Variants in MYCBP2 observed in about 807,000 individuals in gnomAD.
The protein encoded by MYCBP2 is E3 ubiquitin-protein ligase MYCBP2.
A neutral mutation model predicts 525.3 loss-of-function variants in MYCBP2; 120 were observed. The ratio of observed to expected loss-of-function variants is 0.23; its 90% CI spans 0.20 to 0.27. The LOEUF is 0.27. Ranked by LOEUF, MYCBP2 falls within the 10% of genes least tolerant of loss-of-function variation. The probability of loss-of-function intolerance (pLI) is 1.00; values close to 1 mark genes in which losing one functional copy is unlikely to be tolerated. For missense variants in MYCBP2, 4,149 were observed against 5,657.1 expected (o/e 0.73, Z 8.55); for synonymous variants, 1,894 against 1,955.8 (o/e 0.97, Z 0.83).
chr13:77,259,406 A>G (rs2072842698), intron 13 of MYCBP2, among the ~76,000 whole-genome samples: 1 of 152,216 alleles, frequency 6.6e-6, no homozygotes, highest in African/African-American at 2.4e-5. Flanking sequence ...AGGTCCATCA[A>G]TCACTAATGT....
intron 15 of MYCBP2, 82 bp downstream of exon 15, chr13:77,251,069 T>G (rs1594344867): frequency 1.6e-6 from 2 of 1,273,314 alleles, no homozygotes; most frequent in Admixed American, 4.7e-5. Context: ...AAAAAAATAT[T>G]AATAGTAGAG....
At chr13:77,159,359 A>G (rs1382681144) in intron 44 of MYCBP2, among the ~76,000 whole-genome samples, 1 of 152,224 alleles carries the variant, frequency 6.6e-6, no homozygotes, top group Admixed American at 6.5e-5. Flanking sequence ...CTTACATGCC[A>G]AAAAGAGGCA....
chr13:77,079,133 C>T (rs2042853746), intron 65 of MYCBP2, among the ~76,000 whole-genome samples: 1 of 152,126 alleles, frequency 6.6e-6, no homozygotes, highest in Admixed American at 6.6e-5. Context: ...GCTTGACATT[C>T]CCTCTCCTTA....
At position 77,186,002 on chromosome 13, in the gene MYCBP2, A is replaced by G. The variant is rs2060678774; in HGVS notation, c.4313T>C (p.Val1438Ala). 1.9e-6 allele frequency: 3 copies of G among 1,613,384 alleles called. No individual in the cohort carries two copies. Among genetic ancestry groups the G allele is most frequent in the African/African-American group, 1.3e-5 (1 of 74,884 alleles). Residue 1438 changes from valine to alanine, a missense_variant, in exon 31 of 83, where the codon GTT becomes GCT. This residue lies in a region of MYCBP2 where 292 missense variants were observed against 330.5 expected (regional missense o/e 0.88). Coordinates refer to ENST00000544440, the MANE Select transcript of MYCBP2 (RefSeq NM_015057.5). ...TCCTTTTAATCCTCTAAGTTCTTCA[A>G]CTCCTAAGACTAAGGTGGTCCAGCT... ...HWSWTTLVLG[V>A]EELRGLKGFQ...
Position 77,096,335 on chromosome 13 carries a change from T to C in MYCBP2, c.9931A>G (p.Lys3311Glu). ...DRCREKYLRE[K>E]QAAAREKVKQ... Reference sequence around the variant, plus strand: ...ACCTTCTCCCTTGCAGCAGCCTGTTTTTCGCGGAGGTATTTTTCTCTACAG... The same window carrying C: ...ACCTTCTCCCTTGCAGCAGCCTGTTCTTCGCGGAGGTATTTTTCTCTACAG... The change falls in exon 57 of 83, where the codon AAA (lysine) becomes GAA (glutamate). Residue 3311 changes from lysine (K) to glutamate (E), a missense_variant. This residue lies in a region of MYCBP2 where 509 missense variants were observed against 789.4 expected (regional missense o/e 0.64). Coordinates refer to ENST00000544440, the MANE Select transcript of MYCBP2 (RefSeq NM_015057.5). 6.2e-7 allele frequency: 1 copy of C among 1,613,274 alleles called. No homozygotes were observed. Among genetic ancestry groups the C allele is most frequent in the Non-Finnish European group, 8.5e-7 (1 of 1,179,480 alleles).
intron 55 of MYCBP2, among the ~76,000 whole-genome samples, chr13:77,116,951 A>G (rs954813482): frequency 2.6e-5 from 4 of 152,074 alleles, no homozygotes; most frequent in Non-Finnish European, 5.9e-5. Flanking sequence ...CTGCTATGAC[A>G]CAGGCAATTT....
In MYCBP2 at chr13:77,288,329, A is replaced by G. The variant is rs1310574059; in HGVS notation, c.426T>C (p.His142=). Residue 142 remains histidine (H), a synonymous_variant, in exon 3 of 83, where the codon CAT becomes CAC. Transcript: ENST00000544440. ...AAATATTGAAAGCAGAAGGATTGCT[A>G]TGTAGTTTGATATCTGGTATGATTA... is the stretch of plus-strand genomic sequence containing the variant. ...NTVIIPDIKL[H]SNPSAFNIYC... is the part of the protein sequence containing the mutation. 3 of 1,614,042 alleles carry G rather than the reference A, an allele frequency of 1.9e-6. No homozygotes were observed. In the African/African-American group the frequency reaches 4.0e-5, roughly 22 times the overall value.
chr13:77,208,192 A>G (rs74451922), intron 23 of MYCBP2, among the ~76,000 whole-genome samples: 3,729 of 151,972 alleles, frequency 0.025, 84 homozygotes, highest in Middle Eastern at 0.058. Flanking sequence ...AAGGCCTCAA[A>G]CCTCTTCAGA....
chr13:77,070,547 A>G (rs2041015417), intron 69 of MYCBP2, 84 bp downstream of exon 69: 2 of 1,002,774 alleles, frequency 2.0e-6, no homozygotes, highest in Non-Finnish European at 3.0e-6. Context: ...TTATACCCTA[A>G]TAACAAACAA....
At chr13:77,231,517 A>T (rs1189677998) in intron 18 of MYCBP2, among the ~76,000 whole-genome samples, 2 of 152,224 alleles carry the variant, frequency 1.3e-5, no homozygotes, top group Non-Finnish European at 2.9e-5. Context: ...AAGTGCTGCA[A>T]TTACAGGCAT....
At chr13:77,161,741 C>T (rs2057951171) in intron 44 of MYCBP2, among the ~76,000 whole-genome samples, 165 bp downstream of exon 44, 1 of 152,134 alleles carries the variant, frequency 6.6e-6, no homozygotes, top group Non-Finnish European at 1.5e-5. Flanking sequence ...ATGGGTTTCT[C>T]CCACCAAAGG....
chr13:77,117,748 T>C lies in MYCBP2; in HGVS notation c.8140+3625A>G, dbSNP rs150128132. Among the ~76,000 whole-genome samples the C allele has an allele frequency of 9.3e-4, 141 of 152,214 alleles. 2 individuals carry two copies. Among genetic ancestry groups the C allele is most frequent in the African/African-American group, 3.2e-3 (135 of 41,558 alleles). On this transcript the variant is annotated intron_variant, in intron 55 of 82. Coordinates refer to ENST00000544440, the MANE Select transcript of MYCBP2 (RefSeq NM_015057.5). ...TTTAGGTGGAAGGTTCAGGAGGTTA[T>C]TAAGAAAAAAGAACACTCAGTTAAG...
intron 2 of MYCBP2, among the ~76,000 whole-genome samples, chr13:77,294,113 T>TATATATATATATATATATATATAC (rs2077825985): frequency 1.9e-5 from 1 of 52,888 alleles, no homozygotes. Context: ...GCTATATATA[T>TATATATATATATATATATATATAC]ATATATATAT....
chr13:77,125,237 C>T (rs1594753738), intron 54 of MYCBP2, 99 bp downstream of exon 54: 6 of 1,427,086 alleles, frequency 4.2e-6, no homozygotes, highest in Non-Finnish European at 5.7e-6. Context: ...AAAAAGCAAA[C>T]ACACAAAAAA....
At chr13:77,291,245 A>G (rs1448032768) in intron 2 of MYCBP2, among the ~76,000 whole-genome samples, 1 of 152,198 alleles carries the variant, frequency 6.6e-6, no homozygotes, top group Non-Finnish European at 1.5e-5. Context: ...ATTTCACATC[A>G]AAAAAATAAG....
intron 52 of MYCBP2, among the ~76,000 whole-genome samples, chr13:77,135,406 T>C (rs533974515): frequency 1.3e-5 from 2 of 152,300 alleles, no homozygotes; most frequent in East Asian, 3.9e-4. Context: ...GGTGTGTTAT[T>C]TCCTTGAGAA....
chr13:77,173,934 C>A (rs1475455990), intron 37 of MYCBP2, among the ~76,000 whole-genome samples: 1 of 152,146 alleles, frequency 6.6e-6, no homozygotes, highest in Non-Finnish European at 1.5e-5. Context: ...AAGATCAAGG[C>A]AACACCACTA....
At chr13:77,073,671 G>A (rs1057475870) in intron 68 of MYCBP2, among the ~76,000 whole-genome samples, 3 of 152,056 alleles carry the variant, frequency 2.0e-5, no homozygotes, top group Non-Finnish European at 4.4e-5. Context: ...TCTGAAATTA[G>A]TAAGTGAATT....
chr13:77,268,598 G>A (rs896393599), intron 7 of MYCBP2, among the ~76,000 whole-genome samples: 4 of 152,016 alleles, frequency 2.6e-5, no homozygotes, highest in African/African-American at 4.8e-5. Context: ...TGGCCGGCAT[G>A]GTTAAACCCG....
Sources: allele counts gnomAD v4.1 joint callset (sites outside exome capture counted in the v4.1 genomes callset), GRCh38; gene constraint gnomAD v4.1.1; regional missense constraint gnomAD v4.1.1; transcripts MANE v1.5; gene names NCBI Gene and HGNC (gene_info 2026-07-23, HGNC 2026-07-21).